The following DSC3 variants were observed in gnomAD, a reference collection of about 807,000 sequenced individuals.
DSC3 encodes desmocollin-3.
A neutral mutation model predicts 89.5 loss-of-function variants in DSC3; 97 were observed. That is an observed-to-expected ratio of 1.08 (90% confidence interval 0.92 to 1.28). The LOEUF (loss-of-function observed/expected upper bound fraction) is 1.28, where lower values mean the gene tolerates loss of function less well. DSC3 is among the 50% of genes most tolerant of loss of function. The pLI is 0.00. For missense variants in DSC3, 1,199 were observed against 1,085.3 expected (o/e 1.10, Z -1.47); for synonymous variants, 436 against 384.1 (o/e 1.14, Z -1.58).
intron 5 of DSC3, among the ~76,000 whole-genome samples, 162 bp downstream of exon 5, chr18:31,025,598 A>G (rs554229224): frequency 6.6e-6 from 1 of 152,282 alleles, no homozygotes; most frequent in South Asian, 2.1e-4. Flanking sequence ...TGAGACAAAG[A>G]GCTGACCAAG....
rs745420051 is a variant in DSC3 at position 31,008,031 on chromosome 18, G to A, written c.1648C>T (p.Leu550=). 26 of 1,612,704 alleles carry A rather than the reference G, an allele frequency of 1.6e-5. No individual in the cohort carries two copies. Among genetic ancestry groups the A allele is most frequent in the Non-Finnish European group, 2.0e-5 (24 of 1,179,364 alleles). ...TTTTTTTTACCTTTGTCTATTGCCA[G>A]GACTGTAATATTATACAACTCATTT... is the stretch of plus-strand genomic sequence containing the variant. ...PKNELYNITV[L]AIDKDDRSCT... Residue 550 remains leucine, a synonymous_variant, in exon 11 of 16, where the codon CTG becomes TTG. Transcript: ENST00000360428.
chr18:31,022,432 G>A lies in DSC3; in HGVS notation c.846C>T (p.Tyr282=). The change falls in exon 7 of 16, where the codon TAC becomes TAT. Residue 282 remains tyrosine, a synonymous_variant. Coordinates refer to ENST00000360428, the MANE Select transcript of DSC3 (RefSeq NM_001941.5). ...ACCTTGGTGTCTGCTGCAAAATGCT[G>A]TATTTCAGGCGCGTATGCATTGTGT... ...EPDTMHTRLK[Y]SILQQTPRSP... 4 of 1,614,016 alleles carry A rather than the reference G, an allele frequency of 2.5e-6. No homozygotes were observed. Among genetic ancestry groups the A allele is most frequent in the African/African-American group, 1.3e-5 (1 of 75,016 alleles).
intron 9 of DSC3, among the ~76,000 whole-genome samples, chr18:31,017,285 C>T (rs1437672454): frequency 6.6e-6 from 1 of 152,132 alleles, no homozygotes; most frequent in Non-Finnish European, 1.5e-5. Context: ...TGTTTGTGTA[C>T]CAAAGATGCC....
At chr18:31,018,617 A>C in intron 8 of DSC3, 49 bp downstream of exon 8, 1 of 1,580,688 alleles carries the variant, frequency 6.3e-7, no homozygotes, top group Non-Finnish European at 8.7e-7. Context: ...GTTTAAATAA[A>C]AAATGATAGC....
chr18:31,029,679 A>C, intron 3 of DSC3, 51 bp from the exon 4 acceptor site: 3 of 1,610,168 alleles, frequency 1.9e-6, no homozygotes, highest in East Asian at 2.2e-5. Flanking sequence ...ATCACAGTCT[A>C]CTTTGTGTAA....
chr18:31,030,156 G>A (rs1985732505), intron 3 of DSC3, among the ~76,000 whole-genome samples: 1 of 152,110 alleles, frequency 6.6e-6, no homozygotes, highest in African/African-American at 2.4e-5. Context: ...TCTATCCTTT[G>A]GTTGCACTAG....
At position 31,042,733 on chromosome 18, in the gene DSC3, G is replaced by C; in HGVS notation, c.-73C>G. ...GAGAGCGAGACCTGCCGAGGTGCAG[G>C]GCGCGGGAGGTGCTTTTCTCGCCGC... On this transcript the variant is annotated 5_prime_UTR_variant, in exon 1 of 16. Coordinates refer to ENST00000360428, the MANE Select transcript of DSC3 (RefSeq NM_001941.5). 7.2e-7 allele frequency: 1 copy of C among 1,387,884 alleles called. No individual in the cohort carries two copies. The allele number at this position is 1,387,884 out of a possible 1,614,324, so 86.0% of individuals were successfully genotyped here. A position where few individuals can be genotyped will look rare whatever the true frequency, so the allele number is the denominator to read the frequency against.
At chr18:31,007,988 G>T in intron 11 of DSC3, 28 bp downstream of exon 11, 1 of 1,564,892 alleles carries the variant, frequency 6.4e-7, no homozygotes, top group Non-Finnish European at 8.8e-7. Flanking sequence ...TTCCTTTATA[G>T]AATACCAGAT....
At chr18:30,994,769 C>A (rs1039516117) in intron 15 of DSC3, among the ~76,000 whole-genome samples, 12 of 152,180 alleles carry the variant, frequency 7.9e-5, no homozygotes, top group African/African-American at 2.9e-4. Context: ...GCTTTACCAA[C>A]TAGCTATATG....
rs780132310 is a variant in DSC3 at position 31,008,384 on chromosome 18, G to A, written c.1405C>T (p.Pro469Ser). 1.2e-6 allele frequency: 2 copies of A among 1,614,036 alleles called. No homozygotes were observed. Among genetic ancestry groups the A allele is most frequent in the East Asian group, 4.5e-5 (2 of 44,870 alleles). ...TVHVRDLDEG[P>S]ECTPAAQYVR... ...TATTGGGCTGCAGGAGTGCATTCAG[G>A]CCCCTCATCCAGATCCCTCACATGA... is the stretch of plus-strand genomic sequence containing the variant. Residue 469 changes from proline to serine, a missense_variant, in exon 10 of 16, where the codon CCT becomes TCT. Transcript: ENST00000360428.
intron 5 of DSC3, among the ~76,000 whole-genome samples, chr18:31,024,780 A>T (rs1391479296): frequency 6.6e-6 from 1 of 152,160 alleles, no homozygotes; most frequent in Non-Finnish European, 1.5e-5. Flanking sequence ...GTGAATATAA[A>T]TTCTCTCTAT....
At position 31,006,939 on chromosome 18, in the gene DSC3, A is replaced by G. The variant is rs1219914724; in HGVS notation, c.1856T>C (p.Ile619Thr). The change falls in exon 12 of 16, where the codon ATC (isoleucine) becomes ACC (threonine). Residue 619 changes from isoleucine (I) to threonine (T), a missense_variant. By Grantham distance (89) the Ile-to-Thr change is moderately conservative. Coordinates refer to ENST00000360428, the MANE Select transcript of DSC3 (RefSeq NM_001941.5). ...TTTGGTGAGGCTCCACAGTCTACTG[A>G]TTTCTGGAGAAGTATTGGGCAAACT... ...YFSLPNTSPE[I>T]SRLWSLTKVN... is the part of the protein sequence containing the mutation. The G allele has an allele frequency of 4.3e-6, 7 of 1,613,776 alleles. No homozygotes were observed. The highest frequency in any genetic ancestry group is 5.9e-6 in the Non-Finnish European group (7 of 1,179,812).
rs1422296142 is a variant in DSC3, at chr18:31,032,220, T to C, written c.126A>G (p.Lys42=). 5 of 1,613,658 alleles carry C rather than the reference T, an allele frequency of 3.1e-6. No individual in the cohort carries two copies. The highest frequency in any genetic ancestry group is 3.4e-6 in the Non-Finnish European group (4 of 1,179,660). Residue 42 remains lysine (K), a synonymous_variant, in exon 2 of 16, where the codon AAA becomes AAG. Coordinates refer to ENST00000360428, the MANE Select transcript of DSC3 (RefSeq NM_001941.5). ...CKKVILNVPS[K]LEADKIIGRV... ...TGCCAATTATTTTGTCTGCCTCTAG[T>C]TTAGAAGGTACATTAAGTATCACCT...
At chr18:30,999,554 T>C (rs1984585331) in intron 14 of DSC3, among the ~76,000 whole-genome samples, 1 of 152,154 alleles carries the variant, frequency 6.6e-6, no homozygotes. Context: ...AAGAGGAATT[T>C]AAAATAAACT....
chr18:30,996,004 A>AAAAAAAAAAAAAAAAAAAAAG lies in DSC3; in HGVS notation c.2493+786_2493+787insCTTTTTTTTTTTTTTTTTTTT, dbSNP rs1380162048. ...AAAAAAAAAAAAAAAAAAAAAGAAA[A>AAAAAAAAAAAAAAAAAAAAAG]GAAAGAAAAAAGCTTCTGCTTCATA... is the stretch of plus-strand genomic sequence containing the variant. On this transcript the variant is annotated intron_variant, in intron 15 of 15. Transcript: ENST00000360428. Among the ~76,000 whole-genome samples, 7 of 143,658 alleles carry AAAAAAAAAAAAAAAAAAAAAG rather than the reference A, an allele frequency of 4.9e-5. 1 individual carries two copies. Among genetic ancestry groups the AAAAAAAAAAAAAAAAAAAAAG allele is most frequent in the African/African-American group, 2.0e-4 (7 of 35,402 alleles). The allele number at this position is 143,658 out of a possible 152,430, so 94.2% of individuals were successfully genotyped here.
At chr18:31,042,208 T>C (rs1216303538) in intron 1 of DSC3, among the ~76,000 whole-genome samples, 9 of 151,964 alleles carry the variant, frequency 5.9e-5, no homozygotes, top group Admixed American at 5.9e-4. Flanking sequence ...TGCTTTGAGC[T>C]CTCAGGGATC....
chr18:31,030,574 A>G (rs542250601), intron 3 of DSC3, among the ~76,000 whole-genome samples: 2 of 152,330 alleles, frequency 1.3e-5, no homozygotes, highest in Admixed American at 1.3e-4. Flanking sequence ...AGGTGGAAGA[A>G]GCCCTCACAG....
At chr18:31,031,953 ATCTGTCCCAGG>A (rs1157207497) in intron 2 of DSC3, among the ~76,000 whole-genome samples, 21 of 152,194 alleles carry the variant, frequency 1.4e-4, no homozygotes, top group African/African-American at 5.1e-4. Context: ...TTTAATTCAA[ATCTGTCCCAGG>A]TGGAAATATT....
At chr18:31,041,306 T>C (rs1986123118) in intron 1 of DSC3, among the ~76,000 whole-genome samples, 1 of 152,268 alleles carries the variant, frequency 6.6e-6, no homozygotes, top group Non-Finnish European at 1.5e-5. Context: ...ACACATTCTC[T>C]AAGCCGTTTC....
Sources: gnomAD v4.1 joint callset for allele counts (sites outside exome capture counted in the v4.1 genomes callset) on GRCh38, gnomAD v4.1.1 for gene constraint, MANE v1.5 for transcripts, NCBI Gene and HGNC (gene_info 2026-07-23, HGNC 2026-07-21) for gene names.